Variants in ERBB4 observed in about 807,000 individuals in gnomAD.
ERBB4 encodes the protein receptor tyrosine-protein kinase erbB-4.
In ERBB4, 42 loss-of-function variants were observed where a neutral mutation model predicts 158.0. That is an observed-to-expected ratio of 0.27 (90% CI 0.21 to 0.34). The LOEUF is 0.34. ERBB4 is among the 10% of genes least tolerant of loss of function. The pLI is 1.00. For synonymous variants in ERBB4, 583 were observed against 558.7 expected, an observed-to-expected ratio of 1.04 and a Z score of -0.61; for missense variants, 1,333 against 1,624.1, an observed-to-expected ratio of 0.82 and a Z score of 3.08.
At chr2:211,685,148 T>C (rs2072512374) in intron 12 of ERBB4, among the ~76,000 whole-genome samples, 1 of 152,240 alleles carries the variant, frequency 6.6e-6, no homozygotes, top group Non-Finnish European at 1.5e-5. Flanking sequence ...GTTGAATTTA[T>C]CATTTTGTTT....
chr2:211,615,832 T>A (rs1029216278), intron 19 of ERBB4, among the ~76,000 whole-genome samples: 1 of 152,086 alleles, frequency 6.6e-6, no homozygotes, highest in East Asian at 1.9e-4. Context: ...GAGTAGTGGT[T>A]ATTGAATCTA....
intron 20 of ERBB4, among the ~76,000 whole-genome samples, chr2:211,560,276 T>TC (rs2067353280): frequency 1.5e-5 from 2 of 132,288 alleles, no homozygotes; most frequent in Admixed American, 7.4e-5. Context: ...TTTTTTTTTT[T>TC]TTTTTTTTTT....
intron 3 of ERBB4, among the ~76,000 whole-genome samples, chr2:211,936,926 A>C (rs960951434): frequency 5.9e-5 from 9 of 152,162 alleles, no homozygotes; most frequent in African/African-American, 1.9e-4. Context: ...CATCATTTAC[A>C]AAACATTGAC....
intron 2 of ERBB4, among the ~76,000 whole-genome samples, chr2:212,007,046 A>C (rs377300697): frequency 5.5e-4 from 84 of 152,174 alleles, no homozygotes; most frequent in Non-Finnish European, 9.9e-4. Flanking sequence ...ATTACTGCTA[A>C]TAGTAAAAAT....
intron 25 of ERBB4, among the ~76,000 whole-genome samples, chr2:211,409,545 A>G (rs1318596364): frequency 2.0e-5 from 3 of 152,160 alleles, no homozygotes; most frequent in Non-Finnish European, 4.4e-5. Flanking sequence ...TGGCTCTATC[A>G]ATTCCATTTG....
At chr2:211,918,948 C>T (rs1053963732) in intron 3 of ERBB4, among the ~76,000 whole-genome samples, 1 of 152,024 alleles carries the variant, frequency 6.6e-6, no homozygotes, top group Admixed American at 6.6e-5. Context: ...ATAATCTAGC[C>T]TATTCTAACT....
chr2:212,399,585 T>TATATATATATATATA (rs1560214662), intron 1 of ERBB4, among the ~76,000 whole-genome samples: 13 of 121,636 alleles, frequency 1.1e-4, no homozygotes, highest in African/African-American at 1.7e-4. Context: ...TATATATATA[T>TATATATATATATATA]TGGGCGTGGT....
rs1402865562 is a variant in ERBB4 at position 211,376,153 on chromosome 2, AT to A, written c.*7461del. ...TCAAAATAACATTACACCACACACAATTGGCATATCCTATTGTGTAAGCGAG... is the reference window on the plus strand; with the variant it reads ...TCAAAATAACATTACACCACACACAATGGCATATCCTATTGTGTAAGCGAG... On this transcript the variant is annotated 3_prime_UTR_variant, in exon 28 of 28. Transcript: ENST00000342788. 4.3e-6 allele frequency: 1 copy of A among 233,062 alleles called. No individual in the cohort carries two copies. Among genetic ancestry groups the A allele is most frequent in the African/African-American group, 2.2e-5 (1 of 45,302 alleles). The allele number at this position is 233,062 out of a possible 1,614,324, so 14.4% of individuals were successfully genotyped here.
At chr2:211,494,577 T>C (rs62178805) in intron 20 of ERBB4, among the ~76,000 whole-genome samples, 12,975 of 152,184 alleles carry the variant, frequency 0.085, 593 homozygotes, top group Middle Eastern at 0.15. Context: ...CTTCTTGATA[T>C]GCTTTTTGAG....
intron 1 of ERBB4, among the ~76,000 whole-genome samples, chr2:212,519,651 C>G (rs554478750): frequency 1.3e-5 from 2 of 151,950 alleles, no homozygotes; most frequent in African/African-American, 2.4e-5. Flanking sequence ...CTGGGTGAAT[C>G]TGTCGGACAT....
At chr2:211,815,127 G>GA (rs2076855468) in intron 3 of ERBB4, among the ~76,000 whole-genome samples, 2 of 152,048 alleles carry the variant, frequency 1.3e-5, no homozygotes, top group South Asian at 2.1e-4. Flanking sequence ...CTTCACAAAG[G>GA]AAAAAATCAA....
At chr2:211,659,463 A>G (rs572099693) in intron 15 of ERBB4, among the ~76,000 whole-genome samples, 1 of 152,250 alleles carries the variant, frequency 6.6e-6, no homozygotes, top group South Asian at 2.1e-4. Flanking sequence ...TTTTCATTAT[A>G]TTCCAAATAA....
intron 4 of ERBB4, among the ~76,000 whole-genome samples, chr2:211,773,618 A>G (rs2075778212): frequency 1.8e-5 from 1 of 55,492 alleles, no homozygotes; most frequent in Non-Finnish European, 3.5e-5. Context: ...ATATATATAT[A>G]TATATATATA....
rs140149813 is a variant in ERBB4 at position 212,378,783 on chromosome 2, C to G, written c.82+159666G>C. Among the ~76,000 whole-genome samples the G allele has an allele frequency of 5.0e-3, 766 of 151,922 alleles. 6 individuals carry two copies. The highest frequency in any genetic ancestry group is 6.2e-3 in the Non-Finnish European group (420 of 67,846). The stretch of plus-strand genomic sequence containing the variant: ...CACCAGATCAAAATTATATCATATG[C>G]ATTACCAATGTTCGAGTTAACAATT... On this transcript the variant is annotated intron_variant, in intron 1 of 27. Coordinates refer to ENST00000342788, the MANE Select transcript of ERBB4 (RefSeq NM_005235.3).
At chr2:212,062,396 ATTCTTTTTTTTTTTTTTTTTT>A (rs1429388186) in intron 2 of ERBB4, among the ~76,000 whole-genome samples, 6 of 96,522 alleles carry the variant, frequency 6.2e-5, no homozygotes, top group South Asian at 3.4e-4. Flanking sequence ...TCACTTGTCA[ATTCTTTTTTTTTTTTTTTTTT>A]TTTTTTTTTT....
intron 19 of ERBB4, among the ~76,000 whole-genome samples, chr2:211,602,012 A>C (rs1326028001): frequency 2.0e-5 from 3 of 152,116 alleles, no homozygotes; most frequent in East Asian, 3.9e-4. Flanking sequence ...TAAAGAGGGC[A>C]TTATGTTAAG....
chr2:212,381,866 T>C (rs1358946877), intron 1 of ERBB4, among the ~76,000 whole-genome samples: 1 of 151,340 alleles, frequency 6.6e-6, no homozygotes, highest in Non-Finnish European at 1.5e-5. Context: ...ATTAAATCTG[T>C]TTTTATATAT....
Position 211,379,967 on chromosome 2 carries a change from T to TGTAA in ERBB4, c.*3644_*3647dup, listed in dbSNP as rs1217504488. On this transcript the variant is annotated 3_prime_UTR_variant, in exon 28 of 28. Transcript: ENST00000342788. Reference sequence around the variant, plus strand: ...CCTTTTCTTGATTTTTCCTTAGCATTGTAAGTATGCACAATCTTCATGCCA... The same window carrying TGTAA: ...CCTTTTCTTGATTTTTCCTTAGCATTGTAAGTAAGTATGCACAATCTTCATGCCA... The TGTAA allele has an allele frequency of 8.6e-6, 2 of 231,998 alleles. No individual in the cohort carries two copies. The highest frequency in any genetic ancestry group is 6.1e-5 in the East Asian group (1 of 16,436). The allele number at this position is 231,998 out of a possible 1,614,324, so 14.4% of individuals were successfully genotyped here. A position where few individuals can be genotyped will look rare whatever the true frequency, so the allele number is the denominator to read the frequency against.
chr2:211,628,154 C>T (rs778630810), intron 17 of ERBB4, among the ~76,000 whole-genome samples: 1 of 100,062 alleles, frequency 1.0e-5, no homozygotes, highest in Admixed American at 1.4e-4. Context: ...AAATCTGCCA[C>T]TGAGATATTC....
Sources: gnomAD v4.1 joint callset for allele counts (sites outside exome capture counted in the v4.1 genomes callset) on GRCh38, gnomAD v4.1.1 for gene constraint, MANE v1.5 for transcripts, NCBI Gene and HGNC (gene_info 2026-07-23, HGNC 2026-07-21) for gene names.